The following THSD4 variants were observed in gnomAD, a reference collection of about 807,000 sequenced individuals.
THSD4 encodes thrombospondin type-1 domain-containing protein 4.
In THSD4, 69 loss-of-function variants were observed where a neutral mutation model predicts 119.0. The observed-to-expected ratio is 0.58, with a 90% confidence interval of 0.48 to 0.71. The LOEUF is 0.71. Ranked by LOEUF, THSD4 falls within the 30% of genes least tolerant of loss-of-function variation. The pLI is 0.00. For missense variants in THSD4, 1,393 were observed against 1,391.1 expected, an observed-to-expected ratio of 1.00 and a Z score of -0.02; for synonymous variants, 524 against 540.4, an observed-to-expected ratio of 0.97 and a Z score of 0.42.
At chr15:71,284,178 C>T (rs1219723391) in intron 6 of THSD4, among the ~76,000 whole-genome samples, 9 of 152,116 alleles carry the variant, frequency 5.9e-5, no homozygotes, top group Admixed American at 2.0e-4. Flanking sequence ...GTGGGATTTT[C>T]ATTGTGCACA....
At chr15:71,376,580 G>C (rs2046139575) in intron 6 of THSD4, among the ~76,000 whole-genome samples, 1 of 152,114 alleles carries the variant, frequency 6.6e-6, no homozygotes, top group Non-Finnish European at 1.5e-5. Flanking sequence ...TCTGCCCTGA[G>C]AAAAACAAAT....
At chr15:71,173,587 T>TAC (rs1567145903) in intron 3 of THSD4, among the ~76,000 whole-genome samples, 18 of 149,204 alleles carry the variant, frequency 1.2e-4, no homozygotes, top group African/African-American at 4.4e-4. Flanking sequence ...TATATATATA[T>TAC]ACATTTTTAT....
chr15:71,588,258 A>G (rs1595908162), intron 7 of THSD4, among the ~76,000 whole-genome samples: 1 of 148,678 alleles, frequency 6.7e-6, no homozygotes, highest in African/African-American at 2.5e-5. Context: ...GTGAGCCGAG[A>G]TCGCGCCACT....
intron 7 of THSD4, among the ~76,000 whole-genome samples, chr15:71,588,665 C>A (rs2049738215): frequency 6.6e-6 from 1 of 152,138 alleles, no homozygotes; most frequent in South Asian, 2.1e-4. Flanking sequence ...AATTCCTGGG[C>A]TCAAACAATC....
At chr15:71,673,774 G>A (rs1337545426) in intron 8 of THSD4, among the ~76,000 whole-genome samples, 1 of 152,166 alleles carries the variant, frequency 6.6e-6, no homozygotes, top group Non-Finnish European at 1.5e-5. Context: ...GGAGCAGGTT[G>A]TTCAGAGAGT....
chr15:71,364,082 A>G (rs768075589), intron 6 of THSD4, among the ~76,000 whole-genome samples: 1 of 152,348 alleles, frequency 6.6e-6, no homozygotes, highest in Non-Finnish European at 1.5e-5. Context: ...CTGTGGGAAT[A>G]CAAGGTGAAA....
chr15:71,268,470 A>AATTT (rs1451323943), intron 6 of THSD4, among the ~76,000 whole-genome samples: 9 of 152,220 alleles, frequency 5.9e-5, no homozygotes, highest in Non-Finnish European at 1.0e-4. Flanking sequence ...TTGACAGGGA[A>AATTT]ATTTATAGCA....
intron 12 of THSD4, among the ~76,000 whole-genome samples, chr15:71,745,985 G>A (rs964723298): frequency 6.6e-6 from 1 of 152,116 alleles, no homozygotes; most frequent in African/African-American, 2.4e-5. Flanking sequence ...ACTTGAAGAA[G>A]AACAAGGGGA....
At chr15:71,716,877 T>G (rs1261670531) in intron 8 of THSD4, among the ~76,000 whole-genome samples, 1 of 152,174 alleles carries the variant, frequency 6.6e-6, no homozygotes, top group African/African-American at 2.4e-5. Context: ...TCCTAATATT[T>G]AACTCCATGA....
At chr15:71,490,665 G>A (rs532899770) in intron 7 of THSD4, among the ~76,000 whole-genome samples, 105 of 150,290 alleles carry the variant, frequency 7.0e-4, no homozygotes, top group Middle Eastern at 3.5e-3. Flanking sequence ...GGAGGCGGAT[G>A]TTGCAGTGAG....
chr15:71,290,082 A>G (rs1596317200), intron 6 of THSD4, among the ~76,000 whole-genome samples: 1 of 152,186 alleles, frequency 6.6e-6, no homozygotes, highest in East Asian at 1.9e-4. Context: ...CCAGCAGTAG[A>G]TGGAATCGGG....
intron 3 of THSD4, among the ~76,000 whole-genome samples, chr15:71,208,138 C>T (rs778705218): frequency 6.6e-6 from 1 of 152,206 alleles, no homozygotes; most frequent in Non-Finnish European, 1.5e-5. Flanking sequence ...CATTGATCCA[C>T]ATTGCCTACC....
Position 71,565,336 on chromosome 15 carries a change from A to G in THSD4, c.1153-95194A>G, listed in dbSNP as rs78811828. Among the ~76,000 whole-genome samples, 23 of 152,346 alleles carry G rather than the reference A, an allele frequency of 1.5e-4. No homozygotes were observed. In the East Asian group the frequency reaches 4.2e-3, roughly 28 times the overall value. Reference sequence around the variant, plus strand: ...TAAAAATCATAAGCGATAATTATATATGCATCACAGATGTACCCACATAAT... The same window carrying G: ...TAAAAATCATAAGCGATAATTATATGTGCATCACAGATGTACCCACATAAT... On this transcript the variant is annotated intron_variant, in intron 7 of 17. Transcript: ENST00000261862.
rs540109670 is a variant in THSD4 at position 71,542,873 on chromosome 15, T to C, written c.1153-117657T>C. 1.0e-4 allele frequency among the ~76,000 whole-genome samples: 13 copies of C among 126,690 alleles called. No individual in the cohort carries two copies. The East Asian group carries it at 2.8e-3, about 28-fold the overall frequency. The allele number at this position is 126,690 out of a possible 152,430, so 83.1% of individuals were successfully genotyped here. A position where few individuals can be genotyped will look rare whatever the true frequency, so the allele number is the denominator to read the frequency against. On this transcript the variant is annotated intron_variant, in intron 7 of 17. Transcript: ENST00000261862. ...GCCTGGGCAACAGAGCAAGACTCTG[T>C]CTCAAAAAAAAAAACAAAAAAACAA...
intron 8 of THSD4, among the ~76,000 whole-genome samples, chr15:71,692,686 T>G (rs1304665519): frequency 1.3e-5 from 2 of 152,012 alleles, no homozygotes; most frequent in Non-Finnish European, 2.9e-5. Context: ...CCTCTGAGGG[T>G]ACTTAAAGGG....
chr15:71,408,844 C>T (rs908585416), intron 6 of THSD4, among the ~76,000 whole-genome samples: 4 of 151,936 alleles, frequency 2.6e-5, no homozygotes, highest in African/African-American at 9.7e-5. Context: ...AGAACAAGAC[C>T]CTATCTCACA....
intron 3 of THSD4, among the ~76,000 whole-genome samples, chr15:71,156,249 G>C (rs2040775821): frequency 6.6e-6 from 1 of 151,762 alleles, no homozygotes; most frequent in Non-Finnish European, 1.5e-5. Context: ...CCTTTTCTGA[G>C]AGGGGGTTTT....
chr15:71,370,032 T>G (rs543332012), intron 6 of THSD4, among the ~76,000 whole-genome samples: 17 of 151,474 alleles, frequency 1.1e-4, no homozygotes, highest in Non-Finnish European at 2.2e-4. Flanking sequence ...GTCGAGGAAT[T>G]TATCCATTTC....
intron 8 of THSD4, among the ~76,000 whole-genome samples, chr15:71,676,819 G>A (rs1052342714): frequency 1.3e-5 from 2 of 152,090 alleles, no homozygotes; most frequent in African/African-American, 2.4e-5. Flanking sequence ...TCTTTTTTAT[G>A]TATATGCCAC....
Sources: gnomAD v4.1 joint callset for allele counts (sites outside exome capture counted in the v4.1 genomes callset) on GRCh38, gnomAD v4.1.1 for gene constraint, MANE v1.5 for transcripts, NCBI Gene and HGNC (gene_info 2026-07-23, HGNC 2026-07-21) for gene names.